Variants in PIK3CB observed in about 807,000 individuals in gnomAD.
PIK3CB encodes the protein phosphatidylinositol 4,5-bisphosphate 3-kinase catalytic subunit beta isoform.
PIK3CB carries 39 observed loss-of-function variants against 136.8 expected under a neutral mutation model. The observed-to-expected ratio is 0.29, with a 90% confidence interval of 0.22 to 0.37. The LOEUF is 0.37. Among genes scored for constraint, PIK3CB ranks in the 10% least tolerant of loss-of-function variants. The pLI, the probability that PIK3CB is intolerant of heterozygous loss-of-function variation, is 1.00. For missense variants in PIK3CB, 868 were observed against 1,275.4 expected (o/e 0.68, Z 4.87); for synonymous variants, 428 against 436.6 (o/e 0.98, Z 0.25).
Position 138,655,211 on chromosome 3 carries a change from G to C in PIK3CB, c.*178C>G. 1.7e-6 allele frequency: 1 copy of C among 597,740 alleles called. No homozygotes were observed. The highest frequency in any genetic ancestry group is 2.8e-5 in the East Asian group (1 of 35,724). 37.0% of individuals were successfully genotyped at this position (597,740 alleles called of 1,614,324 possible). On this transcript the variant is annotated 3_prime_UTR_variant, in exon 24 of 24. Transcript: ENST00000674063. ...CTTGGAAGCATTCAAAAAGCAGAGG[G>C]AATCATCGGGGATTGTTCAGATTAG...
intron 13 of PIK3CB, among the ~76,000 whole-genome samples, chr3:138,696,533 A>G (rs1163909728): frequency 6.6e-6 from 1 of 152,114 alleles, no homozygotes; most frequent in African/African-American, 2.4e-5. Context: ...TCTTAACCCT[A>G]TATTGAATAA....
At chr3:138,751,761 A>G (rs1206085918) in intron 4 of PIK3CB, among the ~76,000 whole-genome samples, 2 of 152,100 alleles carry the variant, frequency 1.3e-5, no homozygotes, top group African/African-American at 4.8e-5. Context: ...GCTTGAGGTC[A>G]GGAGTTCGAG....
Position 138,834,820 on chromosome 3 carries a change from C to G in PIK3CB, c.-247G>C, listed in dbSNP as rs971670529. ...TCTCTCGATCACCTCCCGCCTGCCC[C>G]GCGCAGCACTACACTCGCCCCCTCC... On this transcript the variant is annotated 5_prime_UTR_variant, in exon 1 of 24. Transcript: ENST00000674063. 1.3e-5 allele frequency: 2 copies of G among 152,766 alleles called. No homozygotes were observed. The highest frequency in any genetic ancestry group is 2.0e-4 in the South Asian group (1 of 4,888). 9.5% of individuals were successfully genotyped at this position (152,766 alleles called of 1,614,324 possible).
At chr3:138,726,463 C>T (rs376400256) in intron 8 of PIK3CB, among the ~76,000 whole-genome samples, 8 of 152,188 alleles carry the variant, frequency 5.3e-5, no homozygotes, top group African/African-American at 1.9e-4. Context: ...ACATTCAACT[C>T]TGAGTCTTAG....
intron 4 of PIK3CB, among the ~76,000 whole-genome samples, chr3:138,749,799 T>A (rs146777495): frequency 6.6e-6 from 1 of 152,246 alleles, no homozygotes; most frequent in Non-Finnish European, 1.5e-5. Flanking sequence ...TTAAGGTGAC[T>A]TTCCTTTTCA....
intron 1 of PIK3CB, among the ~76,000 whole-genome samples, chr3:138,800,874 C>T (rs756699275): frequency 7.9e-5 from 12 of 152,182 alleles, no homozygotes; most frequent in African/African-American, 2.4e-4. Context: ...AATCTACCCA[C>T]CTAGGCATCC....
intron 5 of PIK3CB, among the ~76,000 whole-genome samples, chr3:138,742,045 T>C (rs1439602901): frequency 6.6e-6 from 1 of 152,138 alleles, no homozygotes; most frequent in Non-Finnish European, 1.5e-5. Context: ...TTTAAGAATA[T>C]GGAAACAAAG....
intron 8 of PIK3CB, among the ~76,000 whole-genome samples, chr3:138,732,930 C>A (rs937435531): frequency 6.6e-6 from 1 of 151,654 alleles, no homozygotes; most frequent in African/African-American, 2.4e-5. Flanking sequence ...ACTCTCCTAG[C>A]AAATTCCTGT....
At chr3:138,681,041 GTTTTTTTTTTGTT>G (rs756136604) in intron 19 of PIK3CB, among the ~76,000 whole-genome samples, 1 of 127,328 alleles carries the variant, frequency 7.9e-6, no homozygotes, top group East Asian at 2.6e-4. Context: ...TTTCATGTTA[GTTTTTTTTTTGTT>G]TTTTTTTTTT....
chr3:138,788,964 C>CAA lies in PIK3CB; in HGVS notation c.-17+7497_-17+7498dup, dbSNP rs57432821. ...GGGGGAAAAGAGAGAGACTTCGTCT[C>CAA]AAAAAAAAAAAAAAAAAAAAAAAAA... On this transcript the variant is annotated intron_variant, in intron 2 of 23. Transcript: ENST00000674063. Among the ~76,000 whole-genome samples, 160 of 89,454 alleles carry CAA rather than the reference C, an allele frequency of 1.8e-3. 5 individuals carry two copies. Among genetic ancestry groups the CAA allele is most frequent in the African/African-American group, 3.0e-3 (64 of 21,644 alleles). The allele number at this position is 89,454 out of a possible 152,430, so 58.7% of individuals were successfully genotyped here.
Position 138,787,399 on chromosome 3 carries a change from A to G in PIK3CB, c.-17+9064T>C, listed in dbSNP as rs557168859. Reference sequence around the variant, plus strand: ...AAAAAAAAGAAGCTCCTAAAGGAAAACTTTTCAAATTAAGACACATCATTT... The same window carrying G: ...AAAAAAAAGAAGCTCCTAAAGGAAAGCTTTTCAAATTAAGACACATCATTT... On this transcript the variant is annotated intron_variant, in intron 2 of 23. Transcript: ENST00000674063. 3.9e-5 allele frequency among the ~76,000 whole-genome samples: 6 copies of G among 152,010 alleles called. No individual in the cohort carries two copies. The South Asian group carries it at 1.2e-3, about 31-fold the overall frequency.
At position 138,736,383 on chromosome 3, in the gene PIK3CB, T is replaced by A. The variant is rs79795628; in HGVS notation, c.801+1324A>T. On this transcript the variant is annotated intron_variant, in intron 6 of 23. Coordinates refer to ENST00000674063, the MANE Select transcript of PIK3CB (RefSeq NM_006219.3). ...TCTGCTAATAAATTGCAGCTCCATA[T>A]TCTCAAACACATATTACTTTATAAT... 2.6e-4 allele frequency among the ~76,000 whole-genome samples: 39 copies of A among 152,344 alleles called. No individual in the cohort carries two copies. The East Asian group carries it at 4.6e-3, about 18-fold the overall frequency.
At chr3:138,710,366 A>C (rs1389006262) in intron 10 of PIK3CB, among the ~76,000 whole-genome samples, 1 of 152,222 alleles carries the variant, frequency 6.6e-6, no homozygotes, top group Non-Finnish European at 1.5e-5. Flanking sequence ...TGATTATCCA[A>C]AAGTAATTTT....
chr3:138,762,731 G>A (rs2045679166), intron 2 of PIK3CB, among the ~76,000 whole-genome samples: 1 of 152,178 alleles, frequency 6.6e-6, no homozygotes, highest in African/African-American at 2.4e-5. Flanking sequence ...GCCGAAGCAA[G>A]TGGAGTGCTT....
Position 138,755,945 on chromosome 3 carries a change from A to T in PIK3CB, c.206T>A (p.Phe69Tyr), listed in dbSNP as rs758784705. The T allele has an allele frequency of 1.9e-6, 3 of 1,609,232 alleles. No homozygotes were observed. Among genetic ancestry groups the T allele is most frequent in the Admixed American group, 1.7e-5 (1 of 59,740 alleles). The stretch of plus-strand genomic sequence containing the variant: ...GGAGTCAATATCCATAAGGAGGTTG[A>T]ACATTGGGTAATTGTGAACTTGCTT... ...LWKQVHNYPM[F>Y]NLLMDIDSYM... Residue 69 changes from phenylalanine to tyrosine, a missense_variant, in exon 4 of 24, where the codon TTC becomes TAC. Around this residue, in one of 4 missense-constraint regions of PIK3CB, gnomAD observed 612 missense variants for 801.1 expected, o/e 0.76. Transcript: ENST00000674063.
At chr3:138,806,518 C>T (rs2046236543) in intron 1 of PIK3CB, among the ~76,000 whole-genome samples, 1 of 152,072 alleles carries the variant, frequency 6.6e-6, no homozygotes, top group South Asian at 2.1e-4. Flanking sequence ...ATTATTCACC[C>T]ACATGATAAC....
intron 19 of PIK3CB, among the ~76,000 whole-genome samples, chr3:138,666,516 C>A (rs915304197): frequency 8.5e-5 from 13 of 152,122 alleles, no homozygotes; most frequent in African/African-American, 3.1e-4. Context: ...TAGCTATTTA[C>A]ATTCTTTGCC....
chr3:138,656,385 C>G (rs1348712523), intron 22 of PIK3CB, 111 bp from the exon 23 acceptor site: 2 of 1,133,770 alleles, frequency 1.8e-6, no homozygotes, highest in African/African-American at 3.1e-5. Context: ...TAAGAAAATT[C>G]CTACTGAACT....
intron 11 of PIK3CB, among the ~76,000 whole-genome samples, chr3:138,704,862 G>A (rs2044330349): frequency 1.3e-5 from 2 of 152,074 alleles, no homozygotes; most frequent in South Asian, 4.1e-4. Context: ...TTCTCATTAT[G>A]TTTTTTCTTC....
Sources: gnomAD v4.1 joint callset for allele counts (sites outside exome capture counted in the v4.1 genomes callset) on GRCh38, gnomAD v4.1.1 for gene constraint, gnomAD v4.1.1 regional missense constraint, MANE v1.5 for transcripts, NCBI Gene and HGNC (gene_info 2026-07-23, HGNC 2026-07-21) for gene names.